RBFOX2: variants seen among roughly 807,000 people sequenced by gnomAD.
The protein encoded by RBFOX2 is RNA binding protein fox-1 homolog 2.
In RBFOX2, 10 loss-of-function variants were observed where a neutral mutation model predicts 49.1. That is an observed-to-expected ratio of 0.20 (90% CI 0.13 to 0.35). The LOEUF is 0.35. Ranked by LOEUF, RBFOX2 falls within the 10% of genes least tolerant of loss-of-function variation. The pLI is 1.00. For synonymous variants in RBFOX2, 183 were observed against 187.4 expected (o/e 0.98, Z 0.19); for missense variants, 323 against 486.9 (o/e 0.66, Z 3.17).
intron 1 of RBFOX2, among the ~76,000 whole-genome samples, chr22:35,860,685 T>C (rs1159240233): frequency 6.6e-6 from 1 of 152,176 alleles, no homozygotes; most frequent in African/African-American, 2.4e-5. Context: ...GGCATTTCCA[T>C]ATGAGTTTTA....
At chr22:35,957,148 G>A (rs1313595113) in intron 1 of RBFOX2, among the ~76,000 whole-genome samples, 1 of 152,148 alleles carries the variant, frequency 6.6e-6, no homozygotes, top group African/African-American at 2.4e-5. Context: ...CTCTATGGCT[G>A]TGGAAAGCTA....
chr22:35,953,269 A>T (rs929246721), intron 1 of RBFOX2, among the ~76,000 whole-genome samples: 1 of 151,704 alleles, frequency 6.6e-6, no homozygotes, highest in Admixed American at 6.6e-5. Flanking sequence ...CCATTAAGGG[A>T]TAAACAGATA....
intron 1 of RBFOX2, among the ~76,000 whole-genome samples, chr22:35,909,537 T>G (rs2049527808): frequency 6.6e-6 from 1 of 152,176 alleles, no homozygotes; most frequent in Admixed American, 6.5e-5. Context: ...TTTTCTTCAT[T>G]CAAAAGAAAA....
At chr22:36,010,377 C>T (rs2058769969) in intron 1 of RBFOX2, among the ~76,000 whole-genome samples, 1 of 152,130 alleles carries the variant, frequency 6.6e-6, no homozygotes, top group Admixed American at 6.6e-5. Context: ...GGGAAAGGAA[C>T]ACCTTCCTCT....
At chr22:35,948,700 A>T (rs529825308) in intron 1 of RBFOX2, among the ~76,000 whole-genome samples, 1 of 152,232 alleles carries the variant, frequency 6.6e-6, no homozygotes, top group East Asian at 1.9e-4. Context: ...AATTTTTTTT[A>T]ATTAAAATTT....
chr22:35,825,346 C>A (rs1407828097), intron 1 of RBFOX2, among the ~76,000 whole-genome samples: 4 of 150,046 alleles, frequency 2.7e-5, no homozygotes, highest in African/African-American at 9.9e-5. Context: ...GTTACAGAGA[C>A]TTGGTGGGGG....
intron 1 of RBFOX2, among the ~76,000 whole-genome samples, chr22:35,978,629 A>G (rs2057311967): frequency 6.6e-6 from 1 of 152,230 alleles, no homozygotes; most frequent in African/African-American, 2.4e-5. Flanking sequence ...GGGACAGGTC[A>G]AAAGGACAAA....
intron 5 of RBFOX2, 108 bp from the exon 7 acceptor site, chr22:35,765,591 A>G: frequency 3.8e-6 from 2 of 529,814 alleles, no homozygotes; most frequent in Non-Finnish European, 6.5e-6. Flanking sequence ...TAAATTTCTG[A>G]GAGCAGTGAT....
intron 1 of RBFOX2, among the ~76,000 whole-genome samples, chr22:36,012,464 G>A (rs2058856696): frequency 6.6e-6 from 1 of 152,176 alleles, no homozygotes; most frequent in Non-Finnish European, 1.5e-5. Context: ...CACGGAAGCT[G>A]GGTGCAGCTG....
At chr22:35,999,749 C>T (rs1383171190) in intron 1 of RBFOX2, 1 of 152,006 alleles carries the variant, frequency 6.6e-6, no homozygotes, top group East Asian at 1.9e-4. Context: ...TGGTTAAGCA[C>T]ACACACTGTT....
At chr22:35,777,300 C>A (rs537708311) in intron 4 of RBFOX2, among the ~76,000 whole-genome samples, 3 of 152,340 alleles carry the variant, frequency 2.0e-5, no homozygotes, top group South Asian at 4.1e-4. Context: ...GCGTGAGCCA[C>A]TGCGCCCAGC....
At chr22:35,994,376 ATTTATTCAT>A (rs1698171593) in intron 1 of RBFOX2, 1 of 150,890 alleles carries the variant, frequency 6.6e-6, no homozygotes, top group African/African-American at 2.4e-5. Context: ...GCATCCTTTT[ATTTATTCAT>A]TTTATTTATT....
chr22:35,800,875 C>T (rs956808338), intron 2 of RBFOX2, among the ~76,000 whole-genome samples: 8 of 152,196 alleles, frequency 5.3e-5, no homozygotes, highest in Non-Finnish European at 1.2e-4. Context: ...AGTCAGCTTA[C>T]GGTTCTACTT....
chr22:35,968,528 G>A (rs1453477137), intron 1 of RBFOX2, among the ~76,000 whole-genome samples: 1 of 152,134 alleles, frequency 6.6e-6, no homozygotes, highest in Non-Finnish European at 1.5e-5. Flanking sequence ...TTGAGCTAAG[G>A]TAGTAAACAA....
intron 1 of RBFOX2, among the ~76,000 whole-genome samples, chr22:35,872,381 C>T (rs979188573): frequency 1.2e-4 from 18 of 152,194 alleles, no homozygotes; most frequent in African/African-American, 3.6e-4. Context: ...CGTCTATAGG[C>T]GACTTGTGTT....
chr22:36,006,815 C>T (rs907469965), intron 1 of RBFOX2, among the ~76,000 whole-genome samples: 1 of 152,182 alleles, frequency 6.6e-6, no homozygotes, highest in Non-Finnish European at 1.5e-5. Context: ...TCTCCAAATG[C>T]CCATCCCACC....
At chr22:35,756,133 TG>T in intron 9 of RBFOX2, 1 of 1,501,968 alleles carries the variant, frequency 6.7e-7, no homozygotes. Context: ...AAATCCGTCC[TG>T]GTAAACCACA....
In RBFOX2 at chr22:35,744,198, C is replaced by A. The variant is rs371844393; in HGVS notation, c.1101G>T (p.Thr367=). 5.0e-6 allele frequency: 8 copies of A among 1,608,366 alleles called. No individual in the cohort carries two copies. The African/African-American group carries it at 1.1e-4, about 22-fold the overall frequency. Residue 367 remains threonine, a synonymous_variant, in exon 12 of 12, where the codon ACG becomes ACT. Coordinates refer to ENST00000405409, the Ensembl canonical transcript of RBFOX2. ...GGCTGTCCCATTTGCAGGGGTCTCA[C>A]GTCACTTCAGTAGGGGGCAAATCGG...
chr22:36,002,818 G>A (rs1479090291), intron 1 of RBFOX2, among the ~76,000 whole-genome samples: 2 of 152,230 alleles, frequency 1.3e-5, no homozygotes, highest in East Asian at 1.9e-4. Flanking sequence ...ACAGATGGGG[G>A]TTTCGCCATG....
Sources: gnomAD v4.1 joint callset for allele counts (sites outside exome capture counted in the v4.1 genomes callset) on GRCh38, gnomAD v4.1.1 for gene constraint, MANE v1.5 for transcripts, NCBI Gene and HGNC (gene_info 2026-07-23, HGNC 2026-07-21) for gene names.